Variants in AGBL5 observed in about 807,000 individuals in gnomAD.
AGBL5 encodes the protein AGBL carboxypeptidase 5, also known as cytosolic carboxypeptidase-like protein 5.
Under a neutral mutation model 88.0 loss-of-function variants are expected in AGBL5, and 51 were observed. The observed-to-expected ratio is 0.58, with a 90% CI of 0.46 to 0.73. The LOEUF is 0.73. Among genes scored for constraint, AGBL5 ranks in the 30% least tolerant of loss-of-function variants. The pLI, the probability that AGBL5 is intolerant of heterozygous loss-of-function variation, is 0.00. For synonymous variants in AGBL5, 446 were observed against 438.8 expected (o/e 1.02, Z -0.21); for missense variants, 1,031 against 1,162.2 (o/e 0.89, Z 1.64).
At position 27,053,553 on chromosome 2, in the gene AGBL5, CGAGA is replaced by C; in HGVS notation, c.368_371del (p.Arg123ProfsTer7). ...CACCCGGCCACGCTGGGAACGCATT[CGAGA>C]CCGGCCCACCTTTGAGGTAAGTTCT... On this transcript the variant is annotated frameshift_variant, in exon 3 of 15. Coordinates refer to ENST00000360131, the MANE Select transcript of AGBL5 (RefSeq NM_021831.6). LOFTEE classifies it high-confidence loss of function. This position sits in a 1 kb window ranked among gnomAD's most constrained non-coding sequence, Gnocchi z 4.9. The C allele has an allele frequency of 6.2e-7, 1 of 1,613,248 alleles. No homozygotes were observed. The highest frequency in any genetic ancestry group is 8.5e-7 in the Non-Finnish European group (1 of 1,179,710).
Position 27,056,301 on chromosome 2 carries a change from A to G in AGBL5, c.1365+163A>G. 7.2e-6 allele frequency: 5 copies of G among 694,830 alleles called. No homozygotes were observed. The East Asian group carries it at 1.1e-4, about 15-fold the overall frequency. 43.0% of individuals were successfully genotyped at this position (694,830 alleles called of 1,614,324 possible). ...TTGAAGGGCCAAGAAGAGATGGCAC[A>G]GGGGGATAATGTCTCAATTGTTACA... On this transcript the variant is annotated intron_variant, in intron 7 of 14. Transcript: ENST00000360131.
chr2:27,056,684 G>C lies in AGBL5; in HGVS notation c.1427G>C (p.Gly476Ala), dbSNP rs1198567443. ...AATTCAGCCCACTTCGACTTCCAGG[G>C]CTGCAATTTCTCAGAGAAGAATATG... ...SLNSAHFDFQ[G>A]CNFSEKNMYA... is the part of the protein sequence containing the mutation. The change falls in exon 8 of 15, where the codon GGC becomes GCC. Residue 476 changes from glycine (G) to alanine (A), a missense_variant. By Grantham distance (60) the Gly-to-Ala change is moderately conservative. Around this residue, in one of 2 missense-constraint regions of AGBL5, gnomAD observed 540 missense variants for 678.2 expected, o/e 0.80. Coordinates refer to ENST00000360131, the MANE Select transcript of AGBL5 (RefSeq NM_021831.6). The C allele has an allele frequency of 1.2e-6, 2 of 1,613,434 alleles. No homozygotes were observed.
At chr2:27,056,863 G>T (rs1668456946) in intron 8 of AGBL5, 71 bp downstream of exon 8, 5 of 1,467,566 alleles carry the variant, frequency 3.4e-6, no homozygotes, top group Non-Finnish European at 4.6e-6. Context: ...GGGTGTGGTG[G>T]TGCATGCTTG....
rs1558418576 is a variant in AGBL5 at position 27,059,200 on chromosome 2, G to C, written c.1885G>C (p.Val629Leu). Residue 629 changes from valine to leucine, a missense_variant, in exon 11 of 15, where the codon GTC (valine) becomes CTC (leucine). Around this residue, in one of 2 missense-constraint regions of AGBL5, gnomAD observed 491 missense variants for 484.0 expected, o/e 1.01. Transcript: ENST00000360131. ...TCTGCTTCTTTGCAGTGGGTTGCCT[G>C]TCTCCTGCTCCGAAAACACCTTGAG... ...TPPKSHNGLP[V>L]SCSENTLSRA... is the part of the protein sequence containing the mutation. 1.9e-6 allele frequency: 3 copies of C among 1,613,346 alleles called. No homozygotes were observed. The highest frequency in any genetic ancestry group is 2.5e-6 in the Non-Finnish European group (3 of 1,179,610).
intron 12 of AGBL5, 43 bp from the exon 13 acceptor site, chr2:27,068,586 CTCT>C (rs1669109979): frequency 1.3e-6 from 2 of 1,559,246 alleles, no homozygotes; most frequent in Non-Finnish European, 1.8e-6. Context: ...AAGTTACCTC[CTCT>C]TCTCTGTGAC....
rs145460598 is a variant in AGBL5 at position 27,054,656 on chromosome 2, G to A, written c.578G>A (p.Arg193Gln). The change falls in exon 5 of 15, where the codon CGG becomes CAG. Residue 193 changes from arginine (R) to glutamine (Q), a missense_variant. Physicochemically the swap from Arg to Gln is conservative, Grantham distance 43. Around this residue, in one of 2 missense-constraint regions of AGBL5, gnomAD observed 540 missense variants for 678.2 expected, o/e 0.80. Transcript: ENST00000360131. ...SSPLDTIYYHRELLCYSLDGL... is the reference protein window; with the variant it reads ...SSPLDTIYYHQELLCYSLDGL... The stretch of plus-strand genomic sequence containing the variant: ...CCCCTGGATACCATCTATTACCATC[G>A]GGAGCTCCTTTGCTATTCTCTGGAT... 7 of 1,613,726 alleles carry A rather than the reference G, an allele frequency of 4.3e-6. No individual in the cohort carries two copies. The highest frequency in any genetic ancestry group is 1.7e-5 in the Admixed American group (1 of 59,960).
chr2:27,053,763 C>A lies in AGBL5; in HGVS notation c.388-133C>A. 1 of 1,404,466 alleles carries A rather than the reference C, an allele frequency of 7.1e-7. No homozygotes were observed. Among genetic ancestry groups the A allele is most frequent in the Non-Finnish European group, 9.6e-7 (1 of 1,040,974 alleles). The allele number at this position is 1,404,466 out of a possible 1,614,324, so 87.0% of individuals were successfully genotyped here. A position where few individuals can be genotyped will look rare whatever the true frequency, so the allele number is the denominator to read the frequency against. ...AGGAAGCCTAGAAGGAGCCACTTTT[C>A]ATATAGAAAGTGTCACAGGGAGGGA... is the stretch of plus-strand genomic sequence containing the variant. On this transcript the variant is annotated intron_variant, in intron 3 of 14. Coordinates refer to ENST00000360131, the MANE Select transcript of AGBL5 (RefSeq NM_021831.6). This position sits in a 1 kb window ranked among gnomAD's most constrained non-coding sequence, Gnocchi z 4.9.
Position 27,057,118 on chromosome 2 carries a change from G to T in AGBL5, c.1536-185G>T, listed in dbSNP as rs923873303. On this transcript the variant is annotated intron_variant, in intron 8 of 14. Transcript: ENST00000360131. ...GTCTTTAGTCTAGGACTCTACCTTGGGGGGACTCTCTGGGTATATGGTACA... is the reference window on the plus strand; with the variant it reads ...GTCTTTAGTCTAGGACTCTACCTTGTGGGGACTCTCTGGGTATATGGTACA... 1.8e-5 allele frequency: 11 copies of T among 622,110 alleles called. No homozygotes were observed. The East Asian group carries it at 3.3e-4, about 18-fold the overall frequency. 38.5% of individuals were successfully genotyped at this position (622,110 alleles called of 1,614,324 possible).
chr2:27,062,389 G>A (rs1016256175), intron 11 of AGBL5: 1 of 152,152 alleles, frequency 6.6e-6, no homozygotes, highest in Admixed American at 6.5e-5. Context: ...GCCTCCCAAA[G>A]TGCTGGGATT....
At chr2:27,059,860 G>C (rs1393771364) in intron 11 of AGBL5, among the ~76,000 whole-genome samples, 2 of 152,144 alleles carry the variant, frequency 1.3e-5, no homozygotes, top group Non-Finnish European at 2.9e-5. Context: ...TTAAGGAAGT[G>C]ATACCGGGCT....
upstream of AGBL5, chr2:27,051,515 C>A (rs1431043176): frequency 6.6e-6 from 1 of 152,288 alleles, no homozygotes; most frequent in Non-Finnish European, 1.5e-5. Flanking sequence ...ACCCTCCGGC[C>A]GCTCCTGCCC....
At chr2:27,051,977 C>G (rs1668175068) in intron 1 of AGBL5, 184 bp downstream of exon 1, 2 of 152,650 alleles carry the variant, frequency 1.3e-5, no homozygotes, top group Admixed American at 1.3e-4. Context: ...CTCCTAGGCC[C>G]TCCCTGCCTA....
chr2:27,069,992 T>G (rs1669197939), intron 14 of AGBL5, 100 bp from the exon 15 acceptor site: 2 of 1,531,510 alleles, frequency 1.3e-6, no homozygotes, highest in Admixed American at 2.0e-5. Flanking sequence ...TTACCCATCT[T>G]CATCTCGCTC....
In AGBL5 at chr2:27,055,813, C is replaced by T; in HGVS notation, c.1040C>T (p.Ser347Phe). The change falls in exon 7 of 15, where the codon TCC becomes TTC. Residue 347 changes from serine (S) to phenylalanine (F), a missense_variant. Transcript: ENST00000360131. ...HVHSRLNSQS[S>F]SEHQPSSCLP... Reference sequence around the variant, plus strand: ...CACTCTCGTCTGAACTCCCAGAGTTCCTCTGAGCACCAGCCCAGTTCCTGT... The same window carrying T: ...CACTCTCGTCTGAACTCCCAGAGTTTCTCTGAGCACCAGCCCAGTTCCTGT... The T allele has an allele frequency of 1.2e-6, 2 of 1,614,190 alleles. No homozygotes were observed. The highest frequency in any genetic ancestry group is 1.7e-6 in the Non-Finnish European group (2 of 1,180,030).
intron 1 of AGBL5, chr2:27,052,431 G>C (rs1458814651): frequency 6.6e-6 from 1 of 152,326 alleles, no homozygotes; most frequent in Non-Finnish European, 1.5e-5. Flanking sequence ...AGAGGCTGGA[G>C]AGAGGACTAC....
intron 9 of AGBL5, 46 bp from the exon 10 acceptor site, chr2:27,058,354 T>C (rs1391603262): frequency 3.1e-6 from 5 of 1,608,594 alleles, no homozygotes; most frequent in East Asian, 2.2e-5. Context: ...GGTAGCAGCC[T>C]GGATGGGAGG....
At chr2:27,051,303 G>GT (rs2148261345), upstream of AGBL5, 1 of 152,332 alleles carries the variant, frequency 6.6e-6, no homozygotes, top group Non-Finnish European at 1.5e-5. Context: ...TTTTGCGTCC[G>GT]TCACACTACA....
chr2:27,054,702 G>T lies in AGBL5; in HGVS notation c.624G>T (p.Leu208=). 6.6e-7 allele frequency: 1 copy of T among 1,521,304 alleles called. No individual in the cohort carries two copies. The highest frequency in any genetic ancestry group is 8.8e-7 in the Non-Finnish European group (1 of 1,131,784). The allele number at this position is 1,521,304 out of a possible 1,614,324, so 94.2% of individuals were successfully genotyped here. A position where few individuals can be genotyped will look rare whatever the true frequency, so the allele number is the denominator to read the frequency against. ...TGGATGGACTTCGTGTAGATCTGCT[G>T]ACGATCACTTCCTGCCATGGGCTTC... The part of the protein sequence containing the change: ...YSLDGLRVDL[L]TITSCHGLRE... The change falls in exon 5 of 15, where the codon CTG becomes CTT. Residue 208 remains leucine (L), a synonymous_variant. Coordinates refer to ENST00000360131, the MANE Select transcript of AGBL5 (RefSeq NM_021831.6).
At chr2:27,063,771 A>G (rs1479265669) in intron 11 of AGBL5, among the ~76,000 whole-genome samples, 3 of 152,180 alleles carry the variant, frequency 2.0e-5, no homozygotes, top group South Asian at 2.1e-4. Flanking sequence ...TGCTGTAAAC[A>G]GTGAGACCTT....
Sources: gnomAD v4.1 joint callset for allele counts (sites outside exome capture counted in the v4.1 genomes callset) on GRCh38, gnomAD v4.1.1 for gene constraint, gnomAD v4.1.1 regional missense constraint, Gnocchi (gnomAD v3.1) non-coding constraint, MANE v1.5 for transcripts, NCBI Gene and HGNC (gene_info 2026-07-23, HGNC 2026-07-21) for gene names.